RASD2: variants seen among roughly 807,000 people sequenced by gnomAD.
The protein encoded by RASD2 is RASD family member 2.
In RASD2, 7 loss-of-function variants were observed where a neutral mutation model predicts 15.8. The observed-to-expected ratio is 0.44, with a 90% confidence interval of 0.25 to 0.83. The LOEUF is 0.83. RASD2 is among the 40% of genes least tolerant of loss of function. The pLI is 0.20. For missense variants in RASD2, 274 were observed against 382.8 expected, an observed-to-expected ratio of 0.72 and a Z score of 2.37; for synonymous variants, 155 against 153.6, an observed-to-expected ratio of 1.01 and a Z score of -0.07.
chr22:35,547,288 C>T (rs73420918), intron 2 of RASD2, among the ~76,000 whole-genome samples: 1 of 152,350 alleles, frequency 6.6e-6, no homozygotes, highest in African/African-American at 2.4e-5. Flanking sequence ...GACTCCAGAT[C>T]GATTACTCAT....
chr22:35,544,835 C>T (rs1265921267), intron 1 of RASD2, among the ~76,000 whole-genome samples: 1 of 152,176 alleles, frequency 6.6e-6, no homozygotes, highest in East Asian at 1.9e-4. Flanking sequence ...AGAATAACAC[C>T]ACCTGCTTTC....
chr22:35,548,209 TG>T, intron 2 of RASD2, among the ~76,000 whole-genome samples: 1 of 152,334 alleles, frequency 6.6e-6, no homozygotes, highest in African/African-American at 2.4e-5. Flanking sequence ...ACCCAGCACC[TG>T]GGTGTGAGCC....
At chr22:35,533,874 GTGATGATGA>G in the RASD2 span, among the ~76,000 whole-genome samples, 2 of 134,142 alleles carry the variant, frequency 1.5e-5, no homozygotes, top group African/African-American at 5.7e-5. Flanking sequence ...GATGGTGATG[GTGATGATGA>G]TGATGGTGAT....
At chr22:35,547,199 C>T (rs1934529605) in intron 2 of RASD2, 119 bp downstream of exon 2, 1 of 1,272,984 alleles carries the variant, frequency 7.9e-7, no homozygotes, top group Non-Finnish European at 1.1e-6. Flanking sequence ...GGCGTCATCC[C>T]TGCACAATGA....
chr22:35,542,836 A>G (rs1461120508), intron 1 of RASD2, among the ~76,000 whole-genome samples: 1 of 152,186 alleles, frequency 6.6e-6, no homozygotes, highest in Non-Finnish European at 1.5e-5. Flanking sequence ...GCACTTGCTC[A>G]GAGGTGGCTG....
intron 2 of RASD2, among the ~76,000 whole-genome samples, chr22:35,548,541 C>T (rs1035703436): frequency 1.1e-4 from 16 of 152,270 alleles, no homozygotes; most frequent in Admixed American, 3.9e-4. Flanking sequence ...ATTCAGATAA[C>T]CCCCCAACTG....
chr22:35,544,022 T>C (rs528544511), intron 1 of RASD2, among the ~76,000 whole-genome samples: 1 of 151,926 alleles, frequency 6.6e-6, no homozygotes, highest in Admixed American at 6.5e-5. Flanking sequence ...CTCTCTCCGA[T>C]TCTCTGCGTC....
upstream of RASD2, among the ~76,000 whole-genome samples, chr22:35,537,811 T>C (rs1934264069): frequency 6.6e-6 from 1 of 152,162 alleles, no homozygotes; most frequent in Non-Finnish European, 1.5e-5. Flanking sequence ...AGAGGAGGGA[T>C]AGCTTCTCTT....
intron 1 of RASD2, among the ~76,000 whole-genome samples, chr22:35,542,950 C>G (rs555798174): frequency 2.0e-5 from 3 of 152,214 alleles, no homozygotes; most frequent in Non-Finnish European, 4.4e-5. Flanking sequence ...GTCATCCCCC[C>G]GCCTGATGCC....
the RASD2 span, among the ~76,000 whole-genome samples, chr22:35,535,712 G>C: frequency 5.3e-5 from 8 of 152,300 alleles, no homozygotes; most frequent in East Asian, 1.4e-3. Context: ...AGGGTACAGA[G>C]AGCCTGGCAA....
At chr22:35,542,944 T>C (rs923884673) in intron 1 of RASD2, among the ~76,000 whole-genome samples, 29 of 151,870 alleles carry the variant, frequency 1.9e-4, no homozygotes, top group African/African-American at 6.8e-4. Flanking sequence ...CTCGGCGTCA[T>C]CCCCCCGCCT....
chr22:35,542,206 C>T (rs192496210), intron 1 of RASD2, among the ~76,000 whole-genome samples: 14 of 152,340 alleles, frequency 9.2e-5, no homozygotes, highest in Admixed American at 3.3e-4. Flanking sequence ...TGAATCAAGC[C>T]TCCTGTGGTG....
upstream of RASD2, among the ~76,000 whole-genome samples, chr22:35,536,205 C>T (rs1934245715): frequency 6.6e-6 from 1 of 152,230 alleles, no homozygotes; most frequent in African/African-American, 2.4e-5. Context: ...GGCACAGATG[C>T]CCAGGCCTGC....
chr22:35,549,819 G>A (rs1355319187), intron 2 of RASD2, among the ~76,000 whole-genome samples: 1 of 152,204 alleles, frequency 6.6e-6, no homozygotes, highest in Non-Finnish European at 1.5e-5. Context: ...TGCTCTGGGG[G>A]TGCAGAGGAA....
At position 35,546,947 on chromosome 22, in the gene RASD2, C is replaced by T. The variant is rs758284510; in HGVS notation, c.138C>T (p.Asp46=). The T allele has an allele frequency of 1.2e-6, 2 of 1,614,084 alleles. No homozygotes were observed. The highest frequency in any genetic ancestry group is 1.7e-6 in the Non-Finnish European group (2 of 1,179,992). ...VSRFLNGRFE[D]QYTPTIEDFH... is the part of the protein sequence containing the mutation. ...GCTTCCTCAATGGCCGCTTTGAGGA[C>T]CAGTACACACCCACCATCGAGGACT... Residue 46 remains aspartate (D), a synonymous_variant, in exon 2 of 3, where the codon GAC becomes GAT. Coordinates refer to ENST00000216127, the MANE Select transcript of RASD2 (RefSeq NM_014310.4).
At chr22:35,535,292 T>C in the RASD2 span, among the ~76,000 whole-genome samples, 8,652 of 151,418 alleles carry the variant, frequency 0.057, 865 homozygotes, top group African/African-American at 0.2. Flanking sequence ...TAATCCTAGG[T>C]ATTTAGGAGC....
intron 1 of RASD2, among the ~76,000 whole-genome samples, chr22:35,545,028 T>C (rs1413512509): frequency 6.6e-6 from 1 of 152,212 alleles, no homozygotes; most frequent in Non-Finnish European, 1.5e-5. Context: ...GGGTCCGCCG[T>C]GTGCTGAGCT....
chr22:35,539,601 C>T (rs1934294482), upstream of RASD2, among the ~76,000 whole-genome samples: 1 of 152,224 alleles, frequency 6.6e-6, no homozygotes, highest in Non-Finnish European at 1.5e-5. Flanking sequence ...ACTGAGGGCA[C>T]ACATCTCAAG....
the RASD2 span, among the ~76,000 whole-genome samples, chr22:35,534,213 G>T: frequency 1.3e-3 from 198 of 152,284 alleles, 1 homozygote; most frequent in Non-Finnish European, 2.3e-3. Context: ...CTGTAAAACC[G>T]AAACAAGAAC....
Sources: gnomAD v4.1 joint callset for allele counts (sites outside exome capture counted in the v4.1 genomes callset) on GRCh38, gnomAD v4.1.1 for gene constraint, MANE v1.5 for transcripts, NCBI Gene and HGNC (gene_info 2026-07-23, HGNC 2026-07-21) for gene names.